Variants in CTNNA2 observed in about 807,000 individuals in gnomAD.
CTNNA2 encodes the protein catenin alpha-2.
Under a neutral mutation model 101.0 loss-of-function variants are expected in CTNNA2, and 42 were observed. That is an observed-to-expected ratio of 0.42 (90% CI 0.32 to 0.54). CTNNA2 has a LOEUF of 0.54. Ranked by LOEUF, CTNNA2 falls within the 20% of genes least tolerant of loss-of-function variation. The pLI, the probability that CTNNA2 is intolerant of heterozygous loss-of-function variation, is 0.14. For missense variants in CTNNA2, 871 were observed against 1,223.1 expected (o/e 0.71, Z 4.29); for synonymous variants, 450 against 456.4 (o/e 0.99, Z 0.18).
At chr2:80,148,623 C>G (rs994062707) in intron 7 of CTNNA2, among the ~76,000 whole-genome samples, 2 of 152,176 alleles carry the variant, frequency 1.3e-5, no homozygotes, top group Non-Finnish European at 2.9e-5. Flanking sequence ...TGATTCTGGA[C>G]GAGCATAGTT....
intron 1 of CTNNA2, among the ~76,000 whole-genome samples, chr2:79,540,015 C>A (rs1028643026): frequency 2.6e-5 from 4 of 152,104 alleles, no homozygotes; most frequent in Admixed American, 1.3e-4. Flanking sequence ...TATATAATTC[C>A]TAAATTCCTT....
intron 12 of CTNNA2, among the ~76,000 whole-genome samples, chr2:80,570,465 T>C (rs544144052): frequency 7.9e-5 from 12 of 152,268 alleles, no homozygotes; most frequent in Middle Eastern, 3.4e-3. Context: ...TAAATAAATA[T>C]TGAACTGTGC....
chr2:79,914,860 A>G (rs1686076268), intron 7 of CTNNA2, among the ~76,000 whole-genome samples: 2 of 152,104 alleles, frequency 1.3e-5, no homozygotes, highest in Admixed American at 1.3e-4. Context: ...AGAAGGTATT[A>G]AAAGCACATG....
intron 7 of CTNNA2, among the ~76,000 whole-genome samples, chr2:80,112,491 A>G (rs528719549): frequency 2.6e-5 from 4 of 152,312 alleles, no homozygotes; most frequent in African/African-American, 9.6e-5. Context: ...ACAGGTTTCC[A>G]TCATCACCAT....
At chr2:80,533,147 T>C (rs1439245903) in intron 9 of CTNNA2, among the ~76,000 whole-genome samples, 1 of 152,226 alleles carries the variant, frequency 6.6e-6, no homozygotes, top group Non-Finnish European at 1.5e-5. Context: ...TCCATCCATA[T>C]AATAAATAAT....
chr2:79,421,406 G>A (rs1020543), intron 4 of CTNNA2, among the ~76,000 whole-genome samples: 98,426 of 152,014 alleles, frequency 0.65, 32,454 homozygotes, highest in African/African-American at 0.78. Context: ...AAAATTATCC[G>A]AAAAGGGCTA....
At chr2:80,588,670 G>C (rs534733926) in intron 14 of CTNNA2, among the ~76,000 whole-genome samples, 1 of 151,940 alleles carries the variant, frequency 6.6e-6, no homozygotes, top group Non-Finnish European at 1.5e-5. Context: ...TTCTGCCTAC[G>C]TACTCAAAGG....
At chr2:80,135,959 T>C (rs944693157) in intron 7 of CTNNA2, among the ~76,000 whole-genome samples, 1 of 152,046 alleles carries the variant, frequency 6.6e-6, no homozygotes, top group Non-Finnish European at 1.5e-5. Context: ...AAAGGCAGTG[T>C]GGTATAGAGG....
At chr2:79,290,004 A>G (rs1364849501) in intron 2 of CTNNA2, among the ~76,000 whole-genome samples, 1 of 152,092 alleles carries the variant, frequency 6.6e-6, no homozygotes, top group Non-Finnish European at 1.5e-5. Flanking sequence ...AGAGGTTTAT[A>G]ACAATTGAGA....
intron 8 of CTNNA2, among the ~76,000 whole-genome samples, chr2:80,395,553 C>A (rs1239568708): frequency 1.1e-4 from 16 of 152,204 alleles, no homozygotes; most frequent in Admixed American, 1.0e-3. Context: ...AGCTACCTAG[C>A]ACTTGGGCAG....
intron 1 of CTNNA2, among the ~76,000 whole-genome samples, chr2:79,582,332 A>G (rs1676198994): frequency 6.6e-6 from 1 of 152,220 alleles, no homozygotes; most frequent in Non-Finnish European, 1.5e-5. Context: ...AAGAGTAGAG[A>G]GTTGCTTATA....
intron 1 of CTNNA2, among the ~76,000 whole-genome samples, chr2:79,551,461 A>G (rs142714421): frequency 7.4e-4 from 112 of 152,322 alleles, no homozygotes; most frequent in Non-Finnish European, 1.3e-3. Context: ...AGAGTCAAGC[A>G]AGCAGTCAAA....
intron 2 of CTNNA2, among the ~76,000 whole-genome samples, chr2:79,226,345 A>G (rs2104230567): frequency 6.6e-6 from 1 of 152,312 alleles, no homozygotes; most frequent in South Asian, 2.1e-4. Context: ...TGGAATAGCA[A>G]TAGAGCCCAC....
intron 3 of CTNNA2, among the ~76,000 whole-genome samples, chr2:79,793,796 A>G (rs1449183148): frequency 1.3e-5 from 2 of 152,086 alleles, no homozygotes; most frequent in African/African-American, 2.4e-5. Flanking sequence ...ATACATAATC[A>G]GATTTTATTA....
At chr2:80,635,194 G>A (rs1016757555) in intron 18 of CTNNA2, among the ~76,000 whole-genome samples, 1 of 152,120 alleles carries the variant, frequency 6.6e-6, no homozygotes, top group African/African-American at 2.4e-5. Context: ...ATTTGAATGT[G>A]TGTTAATGTT....
At chr2:79,392,366 C>CA (rs1413453961) in intron 4 of CTNNA2, among the ~76,000 whole-genome samples, 5 of 152,206 alleles carry the variant, frequency 3.3e-5, no homozygotes, top group East Asian at 3.9e-4. Flanking sequence ...ACAGGATCTC[C>CA]AAAAAATCTC....
intron 7 of CTNNA2, among the ~76,000 whole-genome samples, chr2:80,027,066 T>C (rs940102589): frequency 6.6e-6 from 1 of 152,122 alleles, no homozygotes; most frequent in African/African-American, 2.4e-5. Flanking sequence ...GACAAAATAA[T>C]TTCAGAGAAA....
intron 1 of CTNNA2, chr2:79,514,759 A>G (rs944149042): frequency 3.9e-5 from 6 of 152,200 alleles, no homozygotes; most frequent in Admixed American, 1.3e-4. Flanking sequence ...TCCTAAAACA[A>G]CAGACCAAAA....
At chr2:79,787,489 TATC>T (rs1016910951) in intron 3 of CTNNA2, among the ~76,000 whole-genome samples, 1 of 152,144 alleles carries the variant, frequency 6.6e-6, no homozygotes, top group Non-Finnish European at 1.5e-5. Flanking sequence ...TTATAGTTAT[TATC>T]ATTGTGTTCA....
Sources: gnomAD v4.1 joint callset for allele counts (sites outside exome capture counted in the v4.1 genomes callset) on GRCh38, gnomAD v4.1.1 for gene constraint, MANE v1.5 for transcripts, NCBI Gene and HGNC (gene_info 2026-07-23, HGNC 2026-07-21) for gene names.